Variants in KCTD16 observed in about 807,000 individuals in gnomAD.
KCTD16 encodes the protein potassium channel tetramerization domain containing 16, also known as BTB/POZ domain-containing protein KCTD16.
In KCTD16, 13 loss-of-function variants were observed where a neutral mutation model predicts 33.2. The observed-to-expected ratio is 0.39, with a 90% confidence interval of 0.25 to 0.62. The LOEUF is 0.62. Ranked by LOEUF, KCTD16 falls within the 20% of genes least tolerant of loss-of-function variation. KCTD16 has a pLI of 0.50. For missense variants in KCTD16, 441 were observed against 525.1 expected (o/e 0.84, Z 1.57); for synonymous variants, 197 against 195.3 (o/e 1.01, Z -0.07).
rs545877785 is a variant in KCTD16 at position 144,457,409 on chromosome 5, A to G, written c.833-16251A>G. On this transcript the variant is annotated intron_variant, in intron 3 of 3. Coordinates refer to ENST00000512467, the MANE Select transcript of KCTD16 (RefSeq NM_020768.4). Reference sequence around the variant, plus strand: ...GTTAGGAATGGTAGAAATGAAGAGAAGCCCTGGAGAAGGAACAACTGAGCT... The same window carrying G: ...GTTAGGAATGGTAGAAATGAAGAGAGGCCCTGGAGAAGGAACAACTGAGCT... Among the ~76,000 whole-genome samples the G allele has an allele frequency of 7.6e-4, 116 of 152,206 alleles. 1 individual carries two copies. The highest frequency in any genetic ancestry group is 1.5e-3 in the Non-Finnish European group (104 of 68,032).
intron 3 of KCTD16, among the ~76,000 whole-genome samples, chr5:144,447,559 A>G (rs1561611572): frequency 6.6e-6 from 1 of 152,086 alleles, no homozygotes; most frequent in Non-Finnish European, 1.5e-5. Context: ...AGTATAATTT[A>G]AAAAAAGAAA....
At chr5:144,410,652 C>G (rs1328803182) in intron 3 of KCTD16, among the ~76,000 whole-genome samples, 1 of 152,146 alleles carries the variant, frequency 6.6e-6, no homozygotes, top group Non-Finnish European at 1.5e-5. Context: ...CCTCCTTGAT[C>G]TGATGTGTCA....
intron 3 of KCTD16, among the ~76,000 whole-genome samples, chr5:144,294,526 AC>A (rs140232331): frequency 8.9e-4 from 135 of 151,822 alleles, no homozygotes; most frequent in African/African-American, 3.2e-3. Context: ...TTTTTTCTGT[AC>A]TTGTTATATT....
chr5:144,448,805 A>G (rs1753878564), intron 3 of KCTD16, among the ~76,000 whole-genome samples: 1 of 152,068 alleles, frequency 6.6e-6, no homozygotes, highest in Non-Finnish European at 1.5e-5. Flanking sequence ...AAAATGAGAA[A>G]CCACTTCCTC....
chr5:144,260,122 G>A (rs141039010), intron 3 of KCTD16, among the ~76,000 whole-genome samples: 93 of 152,292 alleles, frequency 6.1e-4, no homozygotes, highest in African/African-American at 2.1e-3. Context: ...TAGAGCAATT[G>A]TTCTCACTCC....
intron 3 of KCTD16, among the ~76,000 whole-genome samples, chr5:144,403,883 C>A (rs1055184946): frequency 6.6e-6 from 1 of 152,120 alleles, no homozygotes; most frequent in African/African-American, 2.4e-5. Flanking sequence ...TTTGAAAACT[C>A]CACCCCCATT....
At chr5:144,446,418 A>G (rs1034020477) in intron 3 of KCTD16, among the ~76,000 whole-genome samples, 7 of 152,130 alleles carry the variant, frequency 4.6e-5, no homozygotes, top group Non-Finnish European at 1.0e-4. Context: ...AGATGGAATA[A>G]AGATTTAAAT....
At chr5:144,367,261 T>C (rs1751857830) in intron 3 of KCTD16, among the ~76,000 whole-genome samples, 1 of 152,032 alleles carries the variant, frequency 6.6e-6, no homozygotes, top group African/African-American at 2.4e-5. Context: ...GAAGGGTGGG[T>C]GTAGAGCTGT....
chr5:144,243,166 G>A (rs1284258497), intron 3 of KCTD16, among the ~76,000 whole-genome samples: 1 of 152,146 alleles, frequency 6.6e-6, no homozygotes, highest in Non-Finnish European at 1.5e-5. Context: ...ATCATATCAA[G>A]GGTACACATT....
chr5:144,273,511 A>G (rs1755357897), intron 3 of KCTD16, among the ~76,000 whole-genome samples: 1 of 152,216 alleles, frequency 6.6e-6, no homozygotes, highest in Admixed American at 6.5e-5. Flanking sequence ...TCAAAGAGAC[A>G]TTTGTACAAC....
At chr5:144,188,561 G>A (rs1454497211) in intron 2 of KCTD16, among the ~76,000 whole-genome samples, 1 of 152,228 alleles carries the variant, frequency 6.6e-6, no homozygotes, top group Non-Finnish European at 1.5e-5. Flanking sequence ...AGCAGCATCA[G>A]TAAAAAGGTG....
intron 3 of KCTD16, among the ~76,000 whole-genome samples, chr5:144,361,322 A>G (rs1751707791): frequency 6.6e-6 from 1 of 152,078 alleles, no homozygotes; most frequent in African/African-American, 2.4e-5. Context: ...TTCTGGTTCT[A>G]GATTGTTGGG....
rs1022707111 is a variant in KCTD16, at chr5:144,298,268, A to G, written c.832+90722A>G. 2.6e-5 allele frequency among the ~76,000 whole-genome samples: 4 copies of G among 152,180 alleles called. No individual in the cohort carries two copies. The East Asian group carries it at 7.7e-4, about 29-fold the overall frequency. ...ACACGAGGCTTGCGACCATCTTGGA[A>G]GTGGCCTGCCACCATCTTGGGAGCT... On this transcript the variant is annotated intron_variant, in intron 3 of 3. Coordinates refer to ENST00000512467, the MANE Select transcript of KCTD16 (RefSeq NM_020768.4).
chr5:144,254,279 G>A (rs1754783627), intron 3 of KCTD16, among the ~76,000 whole-genome samples: 1 of 151,948 alleles, frequency 6.6e-6, no homozygotes, highest in Admixed American at 6.6e-5. Context: ...GGGGACTACA[G>A]GTGCCTGCCA....
intron 3 of KCTD16, among the ~76,000 whole-genome samples, chr5:144,330,450 A>G (rs1752331449): frequency 6.7e-6 from 1 of 148,448 alleles, no homozygotes; most frequent in Admixed American, 6.7e-5. Context: ...CTAAGGCTTT[A>G]TTTACTGGGA....
chr5:144,224,279 A>G (rs1175793922), intron 3 of KCTD16, among the ~76,000 whole-genome samples: 1 of 152,052 alleles, frequency 6.6e-6, no homozygotes, highest in Admixed American at 6.5e-5. Context: ...GATGGTTTCT[A>G]CAACTGACTT....
chr5:144,468,858 A>G (rs1192093479), intron 3 of KCTD16, among the ~76,000 whole-genome samples: 4 of 152,220 alleles, frequency 2.6e-5, no homozygotes, highest in African/African-American at 9.6e-5. Context: ...TTAAAAATGC[A>G]TAAGCACTTT....
chr5:144,195,473 T>C (rs1216480336), intron 2 of KCTD16, among the ~76,000 whole-genome samples: 1 of 152,172 alleles, frequency 6.6e-6, no homozygotes, highest in Non-Finnish European at 1.5e-5. Flanking sequence ...CGTTGCTTGG[T>C]CACCTTTTGT....
intron 3 of KCTD16, among the ~76,000 whole-genome samples, chr5:144,364,580 C>G (rs752626156): frequency 3.3e-5 from 5 of 152,158 alleles, no homozygotes; most frequent in Non-Finnish European, 5.9e-5. Context: ...TATTTGTGCT[C>G]TGTAACATAC....
Sources: gnomAD v4.1 joint callset for allele counts (sites outside exome capture counted in the v4.1 genomes callset) on GRCh38, gnomAD v4.1.1 for gene constraint, MANE v1.5 for transcripts, NCBI Gene and HGNC (gene_info 2026-07-23, HGNC 2026-07-21) for gene names.